The following FASTKD2 variants were observed in gnomAD, a reference collection of about 807,000 sequenced individuals.
FASTKD2 encodes FAST kinase domains 2.
FASTKD2 carries 51 observed loss-of-function variants against 63.6 expected under a neutral mutation model. That is an observed-to-expected ratio of 0.80 (90% CI 0.64 to 1.01). FASTKD2 has a LOEUF of 1.01. FASTKD2 is among the 50% of genes least tolerant of loss of function. FASTKD2 has a pLI of 0.00. For synonymous variants in FASTKD2, 284 were observed against 293.4 expected, an observed-to-expected ratio of 0.97 and a Z score of 0.33; for missense variants, 786 against 831.1, an observed-to-expected ratio of 0.95 and a Z score of 0.67.
intron 10 of FASTKD2, 187 bp from the exon 11 acceptor site, chr2:206,790,385 T>C (rs967302621): frequency 7.1e-6 from 4 of 562,656 alleles, no homozygotes; most frequent in Non-Finnish European, 1.3e-5. Flanking sequence ...ATTTTTGATT[T>C]ATAAAGTAGC....
intron 10 of FASTKD2, 39 bp downstream of exon 10, chr2:206,788,942 T>G: frequency 9.6e-7 from 1 of 1,041,786 alleles, no homozygotes; most frequent in Non-Finnish European, 1.5e-6. Context: ...CTTTCTGAAT[T>G]AAAATCCTAA....
chr2:206,786,939 A>ATT, intron 8 of FASTKD2, 40 bp downstream of exon 8: 1 of 730,150 alleles, frequency 1.4e-6, no homozygotes, highest in Non-Finnish European at 2.3e-6. Flanking sequence ...ATTGTGACCA[A>ATT]TTCTGCACTA....
chr2:206,776,232 A>T (rs900172156), intron 7 of FASTKD2, among the ~76,000 whole-genome samples: 1 of 151,798 alleles, frequency 6.6e-6, no homozygotes, highest in African/African-American at 2.4e-5. Context: ...AAGCATAAAT[A>T]TATGAGTTAC....
Position 206,766,777 on chromosome 2 carries a change from T to TA in FASTKD2, c.85dup (p.Arg29LysfsTer35). On this transcript the variant is annotated frameshift_variant, in exon 2 of 12. Coordinates refer to ENST00000402774, the MANE Select transcript of FASTKD2 (RefSeq NM_001136193.2). LOFTEE classifies it high-confidence loss of function. ...AAGCGGGCTCCTTTTTCTGGAACCT[T>TA]AGACAATTCAGTACATTAGTTTCAA... is the stretch of plus-strand genomic sequence containing the variant. 6.2e-7 allele frequency: 1 copy of TA among 1,613,916 alleles called. No individual in the cohort carries two copies. The highest frequency in any genetic ancestry group is 1.7e-5 in the Admixed American group (1 of 59,968).
In FASTKD2 at chr2:206,767,082, T is replaced by C; in HGVS notation, c.389T>C (p.Leu130Ser). 1 of 1,614,146 alleles carries C rather than the reference T, an allele frequency of 6.2e-7. No individual in the cohort carries two copies. The highest frequency in any genetic ancestry group is 8.5e-7 in the Non-Finnish European group (1 of 1,180,006). Residue 130 changes from leucine (L) to serine (S), a missense_variant, in exon 2 of 12, where the codon TTG (leucine) becomes TCG (serine). Coordinates refer to ENST00000402774, the MANE Select transcript of FASTKD2 (RefSeq NM_001136193.2). ...LVPVDKSDDE[L>S]KKVNLNHEVS... is the part of the protein sequence containing the mutation. ...CCTGTTGATAAATCTGATGATGAAT[T>C]GAAGAAAGTAAACCTTAATCATGAA...
In FASTKD2 at chr2:206,767,496, T is replaced by C. The variant is rs1446297928; in HGVS notation, c.777+26T>C. The C allele has an allele frequency of 1.9e-6, 3 of 1,566,972 alleles. No individual in the cohort carries two copies. In the African/African-American group the frequency reaches 4.0e-5, roughly 21 times the overall value. ...GTAAAATAAAAAGGAGATTTAAACA[T>C]GCATTTACTTGATTTAGAATATTTT... On this transcript the variant is annotated intron_variant, in intron 2 of 11. Coordinates refer to ENST00000402774, the MANE Select transcript of FASTKD2 (RefSeq NM_001136193.2).
intron 7 of FASTKD2, among the ~76,000 whole-genome samples, chr2:206,779,165 T>A (rs1276229899): frequency 6.6e-6 from 1 of 152,334 alleles, no homozygotes; most frequent in East Asian, 1.9e-4. Flanking sequence ...ATTTTTAACT[T>A]AAAGTATATT....
chr2:206,791,586 A>G, intron 11 of FASTKD2, 97 bp from the exon 12 acceptor site: 2 of 1,150,514 alleles, frequency 1.7e-6, no homozygotes, highest in East Asian at 2.3e-5. Context: ...TCAAAAAGCT[A>G]TTGTCCTCAT....
chr2:206,783,213 G>A (rs1323784272), intron 7 of FASTKD2: 2 of 150,988 alleles, frequency 1.3e-5, no homozygotes, highest in African/African-American at 2.4e-5. Context: ...TTCCCTAATT[G>A]TCACCGTCAG....
Position 206,767,069 on chromosome 2 carries a change from TCTG to T in FASTKD2, c.377_379del (p.Ser126_Asp127delinsTyr), listed in dbSNP as rs753412773. 3 of 1,614,112 alleles carry T rather than the reference TCTG, an allele frequency of 1.9e-6. No individual in the cohort carries two copies. In the African/African-American group the frequency reaches 4.0e-5, roughly 22 times the overall value. ...GCAGTCTCTTGTCCCTGTTGATAAA[TCTG>T]ATGATGAATTGAAGAAAGTAAACCT... On this transcript the variant is annotated inframe_deletion, in exon 2 of 12. Coordinates refer to ENST00000402774, the MANE Select transcript of FASTKD2 (RefSeq NM_001136193.2).
At position 206,792,231 on chromosome 2, in the gene FASTKD2, C is replaced by T. The variant is rs1690304769; in HGVS notation, c.*429C>T. The T allele has an allele frequency of 5.3e-6, 1 of 190,130 alleles. No homozygotes were observed. Among genetic ancestry groups the T allele is most frequent in the South Asian group, 1.0e-4 (1 of 10,048 alleles). 11.8% of individuals were successfully genotyped at this position (190,130 alleles called of 1,614,324 possible). A position where few individuals can be genotyped will look rare whatever the true frequency, so the allele number is the denominator to read the frequency against. On this transcript the variant is annotated 3_prime_UTR_variant, in exon 12 of 12. Transcript: ENST00000402774. The stretch of plus-strand genomic sequence containing the variant: ...CTTTAAATCATTTTCAAGCATTGGC[C>T]AAATAATAATTGGACAAAGTTCTAA...
intron 7 of FASTKD2, among the ~76,000 whole-genome samples, chr2:206,780,471 G>T (rs1282646865): frequency 1.3e-5 from 2 of 152,232 alleles, no homozygotes; most frequent in Non-Finnish European, 2.9e-5. Flanking sequence ...CTGCTAGTCT[G>T]ATGGGGGCTC....
In FASTKD2 at chr2:206,793,248, A is replaced by AAAAAAAAAAAAAAAAAAAAAAC. The variant is rs1259024642; in HGVS notation, c.*1449_*1450insAAAAAAAAAAAAAAAAAACAAA. 3.9e-5 allele frequency among the ~76,000 whole-genome samples: 5 copies of AAAAAAAAAAAAAAAAAAAAAAC among 126,634 alleles called. 2 individuals carry two copies. Among genetic ancestry groups the AAAAAAAAAAAAAAAAAAAAAAC allele is most frequent in the Non-Finnish European group, 8.9e-5 (5 of 56,470 alleles). 83.1% of individuals were successfully genotyped at this position (126,634 alleles called of 152,430 possible). Reference sequence around the variant, plus strand: ...AAAAAAAAAAAAAAAAAAAAAAAAAAAAATACAAAAACTATAGCAATATGA... The same window carrying AAAAAAAAAAAAAAAAAAAAAAC: ...AAAAAAAAAAAAAAAAAAAAAAAAAAAAAAAAAAAAAAAAAAAAAAACAAATACAAAAACTATAGCAATATGA... On this transcript the variant is annotated 3_prime_UTR_variant, in exon 12 of 12. Coordinates refer to ENST00000402774, the MANE Select transcript of FASTKD2 (RefSeq NM_001136193.2).
chr2:206,789,017 C>A, intron 10 of FASTKD2, 114 bp downstream of exon 10: 1 of 704,198 alleles, frequency 1.4e-6, no homozygotes, highest in Non-Finnish European at 2.6e-6. Flanking sequence ...ATGGAGCCTG[C>A]AGCACACCAA....
In FASTKD2 at chr2:206,766,920, A is replaced by G; in HGVS notation, c.227A>G (p.Tyr76Cys). 1.2e-6 allele frequency: 2 copies of G among 1,601,276 alleles called. No homozygotes were observed. Among genetic ancestry groups the G allele is most frequent in the Non-Finnish European group, 1.7e-6 (2 of 1,172,186 alleles). The change falls in exon 2 of 12, where the codon TAT (tyrosine) becomes TGT (cysteine). Residue 76 changes from tyrosine to cysteine, a missense_variant. Tyr to Cys is a radical substitution (Grantham distance 194). Transcript: ENST00000402774. ...ATGCAATCAACTGATATCATTAGATATCTCTTTCAGGATGCATTCATTTTT... is the reference window on the plus strand; with the variant it reads ...ATGCAATCAACTGATATCATTAGATGTCTCTTTCAGGATGCATTCATTTTT... ...NRMQSTDIIR[Y>C]LFQDAFIFKS... is the part of the protein sequence containing the mutation.
intron 1 of FASTKD2, 143 bp from the exon 2 acceptor site, chr2:206,766,501 G>A: frequency 1.8e-6 from 1 of 566,778 alleles, no homozygotes; most frequent in East Asian, 3.1e-5. Flanking sequence ...AGCCCACATT[G>A]GTAAAAAAAA....
chr2:206,770,175 G>C lies in FASTKD2; in HGVS notation c.862G>C (p.Val288Leu). The C allele has an allele frequency of 6.2e-7, 1 of 1,606,062 alleles. No homozygotes were observed. The highest frequency in any genetic ancestry group is 1.1e-5 in the South Asian group (1 of 90,904). The change falls in exon 3 of 12, where the codon GTT (valine) becomes CTT (leucine). Residue 288 changes from valine (V) to leucine (L), a missense_variant. Physicochemically the swap from Val to Leu is conservative, Grantham distance 32. Coordinates refer to ENST00000402774, the MANE Select transcript of FASTKD2 (RefSeq NM_001136193.2). ...EAMEPCKNVH[V>L]LRTGFRILVD... ...AATGGAACCATGCAAGAATGTTCAT[G>C]TTCTACGAACGGGATTCAGGTGAGA...
In FASTKD2 at chr2:206,767,090, G is replaced by A; in HGVS notation, c.397G>A (p.Val133Ile). 6.2e-7 allele frequency: 1 copy of A among 1,614,084 alleles called. No homozygotes were observed. Among genetic ancestry groups the A allele is most frequent in the South Asian group, 1.1e-5 (1 of 91,078 alleles). Residue 133 changes from valine (V) to isoleucine (I), a missense_variant, in exon 2 of 12, where the codon GTA becomes ATA. Transcript: ENST00000402774. The part of the protein sequence containing the change: ...VDKSDDELKK[V>I]NLNHEVSNED... ...TAAATCTGATGATGAATTGAAGAAA[G>A]TAAACCTTAATCATGAAGTCTCCAA... is the stretch of plus-strand genomic sequence containing the variant.
In FASTKD2 at chr2:206,770,305, G is replaced by A. The variant is rs561210416; in HGVS notation, c.881+111G>A. 28 of 760,454 alleles carry A rather than the reference G, an allele frequency of 3.7e-5. 1 individual carries two copies. The highest frequency in any genetic ancestry group is 4.5e-4 in the Middle Eastern group (2 of 4,398). 47.1% of individuals were successfully genotyped at this position (760,454 alleles called of 1,614,324 possible). ...CCTTTCTTGAGGGGAGGAGGGGTTG[G>A]GGAGGCTTTGTTGGTAGTTACAGTC... On this transcript the variant is annotated intron_variant, in intron 3 of 11. Coordinates refer to ENST00000402774, the MANE Select transcript of FASTKD2 (RefSeq NM_001136193.2).
Sources: allele counts gnomAD v4.1 joint callset (sites outside exome capture counted in the v4.1 genomes callset), GRCh38; gene constraint gnomAD v4.1.1; transcripts MANE v1.5; gene names NCBI Gene and HGNC (gene_info 2026-07-23, HGNC 2026-07-21).